THSD4: variants seen among roughly 807,000 people sequenced by gnomAD.
The protein encoded by THSD4 is thrombospondin type-1 domain-containing protein 4.
Under a neutral mutation model 119.0 loss-of-function variants are expected in THSD4, and 69 were observed. That is an observed-to-expected ratio of 0.58 (90% CI 0.48 to 0.71). The LOEUF (loss-of-function observed/expected upper bound fraction) is 0.71. Among genes scored for constraint, THSD4 ranks in the 30% least tolerant of loss-of-function variants. THSD4 has a pLI of 0.00. For missense variants in THSD4, 1,393 were observed against 1,391.1 expected, an observed-to-expected ratio of 1.00 and a Z score of -0.02; for synonymous variants, 524 against 540.4, an observed-to-expected ratio of 0.97 and a Z score of 0.42.
At chr15:71,681,295 T>C (rs571438446) in intron 8 of THSD4, among the ~76,000 whole-genome samples, 1 of 152,352 alleles carries the variant, frequency 6.6e-6, no homozygotes, top group Non-Finnish European at 1.5e-5. Context: ...TAATTGTGCT[T>C]TGAGACTTTG....
chr15:71,479,180 C>CTTTTT (rs5813637), intron 7 of THSD4, among the ~76,000 whole-genome samples: 35 of 80,146 alleles, frequency 4.4e-4, no homozygotes, highest in African/African-American at 8.6e-4. Context: ...TTTCTTCTGC[C>CTTTTT]TTTTTTTTTT....
At chr15:71,199,757 GA>G (rs1278200998) in intron 3 of THSD4, among the ~76,000 whole-genome samples, 10 of 136,630 alleles carry the variant, frequency 7.3e-5, no homozygotes, top group African/African-American at 2.9e-4. Flanking sequence ...GGGTGTGTGT[GA>G]TGTGTGTGGT....
At chr15:71,753,972 T>G (rs1218850118) in intron 14 of THSD4, among the ~76,000 whole-genome samples, 3 of 152,190 alleles carry the variant, frequency 2.0e-5, no homozygotes, top group Non-Finnish European at 4.4e-5. Flanking sequence ...ATTACTTGGT[T>G]TTGAAAGCAG....
intron 1 of THSD4, among the ~76,000 whole-genome samples, chr15:71,107,156 A>G (rs765407911): frequency 6.6e-6 from 1 of 152,196 alleles, no homozygotes; most frequent in Non-Finnish European, 1.5e-5. Context: ...GCCTTTCACA[A>G]CCTGATGTGC....
At chr15:71,270,394 C>G (rs930919557) in intron 6 of THSD4, among the ~76,000 whole-genome samples, 1 of 152,110 alleles carries the variant, frequency 6.6e-6, no homozygotes, top group Non-Finnish European at 1.5e-5. Context: ...ACCTGGCTAG[C>G]CATATGCAGA....
intron 2 of THSD4, among the ~76,000 whole-genome samples, chr15:71,152,124 A>G (rs922980370): frequency 6.6e-6 from 1 of 152,176 alleles, no homozygotes; most frequent in African/African-American, 2.4e-5. Flanking sequence ...AATACAGTAT[A>G]TTAAAAGGAA....
intron 7 of THSD4, among the ~76,000 whole-genome samples, chr15:71,436,228 A>G (rs887662937): frequency 1.8e-4 from 28 of 152,176 alleles, no homozygotes; most frequent in Non-Finnish European, 5.9e-5. Flanking sequence ...TTTTAGGCCT[A>G]TGTTCTATCC....
At chr15:71,351,207 T>C (rs1221136751) in intron 6 of THSD4, among the ~76,000 whole-genome samples, 1 of 152,136 alleles carries the variant, frequency 6.6e-6, no homozygotes, top group African/African-American at 2.4e-5. Flanking sequence ...CCATGAGCAC[T>C]GCAAGAGGTT....
intron 4 of THSD4, among the ~76,000 whole-genome samples, chr15:71,225,159 C>T (rs1377992685): frequency 6.6e-6 from 1 of 152,062 alleles, no homozygotes; most frequent in African/African-American, 2.4e-5. Context: ...AGAGGAAAAA[C>T]CATGCATCCC....
intron 1 of THSD4, chr15:71,097,025 T>C (rs779510911): frequency 2.6e-5 from 4 of 152,242 alleles, no homozygotes; most frequent in African/African-American, 7.2e-5. Context: ...TATTGCTTTA[T>C]ATTAGGGGAA....
At chr15:71,199,928 T>TGTGTGTA (rs2043787006) in intron 3 of THSD4, among the ~76,000 whole-genome samples, 2 of 132,386 alleles carry the variant, frequency 1.5e-5, no homozygotes, top group South Asian at 2.4e-4. Flanking sequence ...TGTGTGTGTG[T>TGTGTGTA]GTGTGTGTAT....
intron 14 of THSD4, among the ~76,000 whole-genome samples, chr15:71,757,305 A>G: frequency 6.6e-6 from 1 of 152,204 alleles, no homozygotes; most frequent in Non-Finnish European, 1.5e-5. Flanking sequence ...AATATCAGGC[A>G]GCAACATTGA....
chr15:71,540,372 A>G (rs2048742460), intron 7 of THSD4, among the ~76,000 whole-genome samples: 1 of 149,698 alleles, frequency 6.7e-6, no homozygotes. Context: ...TCCTGACCTC[A>G]TGATCCACCT....
chr15:71,334,140 G>A (rs2045463422), intron 6 of THSD4, among the ~76,000 whole-genome samples: 1 of 152,186 alleles, frequency 6.6e-6, no homozygotes, highest in South Asian at 2.1e-4. Flanking sequence ...CAAACCGGAA[G>A]CCAGAGCAGT....
intron 7 of THSD4, among the ~76,000 whole-genome samples, chr15:71,528,866 A>G (rs1212622488): frequency 6.6e-6 from 1 of 152,202 alleles, no homozygotes; most frequent in African/African-American, 2.4e-5. Context: ...TCCATGATCA[A>G]TTTATTACTA....
At chr15:71,685,044 A>G (rs1016271274) in intron 8 of THSD4, among the ~76,000 whole-genome samples, 16 of 152,052 alleles carry the variant, frequency 1.1e-4, no homozygotes, top group African/African-American at 3.9e-4. Context: ...TTTCAGCATC[A>G]TCTGATATAT....
At chr15:71,197,262 TA>T (rs955898569) in intron 3 of THSD4, among the ~76,000 whole-genome samples, 83 of 152,294 alleles carry the variant, frequency 5.4e-4, no homozygotes, top group African/African-American at 1.9e-3. Context: ...CGATTATGCT[TA>T]GAACCCATAA....
At chr15:71,398,667 C>T (rs765048703) in intron 6 of THSD4, among the ~76,000 whole-genome samples, 25 of 152,092 alleles carry the variant, frequency 1.6e-4, no homozygotes, top group Non-Finnish European at 2.8e-4. Context: ...TAGAAATGTG[C>T]ATTAGTGATT....
At chr15:71,753,062 C>CT (rs2141184677) in intron 14 of THSD4, among the ~76,000 whole-genome samples, 1 of 152,310 alleles carries the variant, frequency 6.6e-6, no homozygotes, top group East Asian at 1.9e-4. Context: ...TTCGCAAACA[C>CT]TTAAGAGTAC....
Sources: allele counts gnomAD v4.1 joint callset (sites outside exome capture counted in the v4.1 genomes callset), GRCh38; gene constraint gnomAD v4.1.1; transcripts MANE v1.5; gene names NCBI Gene and HGNC (gene_info 2026-07-23, HGNC 2026-07-21).